Variants in SND1 observed in about 807,000 individuals in gnomAD.
SND1 encodes staphylococcal nuclease domain-containing protein 1.
In SND1, 38 loss-of-function variants were observed where a neutral mutation model predicts 121.7. The ratio of observed to expected loss-of-function variants is 0.31; its 90% CI spans 0.24 to 0.41. The LOEUF is 0.41. Ranked by LOEUF, SND1 falls within the 10% of genes least tolerant of loss-of-function variation. The probability of loss-of-function intolerance (pLI) is 1.00; values close to 1 mark genes in which losing one functional copy is unlikely to be tolerated. For synonymous variants in SND1, 401 were observed against 447.4 expected, an observed-to-expected ratio of 0.90 and a Z score of 1.31; for missense variants, 868 against 1,184.6, an observed-to-expected ratio of 0.73 and a Z score of 3.92.
intron 1 of SND1, among the ~76,000 whole-genome samples, chr7:127,660,911 T>A (rs1198789645): frequency 6.6e-6 from 1 of 152,070 alleles, no homozygotes; most frequent in Non-Finnish European, 1.5e-5. Context: ...TTAGAAGCTC[T>A]GGGACTGGCC....
chr7:127,891,099 C>G (rs923278923), intron 13 of SND1, among the ~76,000 whole-genome samples: 2 of 152,030 alleles, frequency 1.3e-5, no homozygotes, highest in African/African-American at 4.8e-5. Flanking sequence ...GCCATCTTCT[C>G]GATGCTAACC....
chr7:127,761,321 C>A (rs190738404), intron 10 of SND1, among the ~76,000 whole-genome samples: 1 of 152,190 alleles, frequency 6.6e-6, no homozygotes, highest in African/African-American at 2.4e-5. Context: ...CCCCAAGATT[C>A]AAAAGCTGTC....
At chr7:128,043,186 T>A (rs1264927692) in intron 16 of SND1, among the ~76,000 whole-genome samples, 1 of 152,070 alleles carries the variant, frequency 6.6e-6, no homozygotes. Context: ...ATCTCAGAGG[T>A]TACACCAGGT....
intron 16 of SND1, chr7:128,031,719 G>GGGCGGGCGCGGGTCCGGCGGCGGC (rs1407616502): frequency 6.2e-5 from 9 of 145,814 alleles, no homozygotes; most frequent in South Asian, 4.2e-4. Context: ...GAGAGTCCGG[G>GGGCGGGCGCGGGTCCGGCGGCGGC]GGCGGGCGCG....
chr7:127,851,116 A>G (rs139203916), intron 12 of SND1, among the ~76,000 whole-genome samples: 1 of 152,346 alleles, frequency 6.6e-6, no homozygotes, highest in East Asian at 1.9e-4. Context: ...TCTAGATGGA[A>G]GTTCAATTTA....
chr7:128,017,852 C>T (rs934299308), intron 16 of SND1, among the ~76,000 whole-genome samples: 1 of 152,218 alleles, frequency 6.6e-6, no homozygotes, highest in Non-Finnish European at 1.5e-5. Flanking sequence ...TCTAGTTGCT[C>T]CTGACCTTCC....
intron 7 of SND1, 95 bp from the exon 8 acceptor site, chr7:127,704,744 T>C: frequency 9.8e-7 from 1 of 1,019,372 alleles, no homozygotes. Context: ...CAGACTAGTT[T>C]GTGACTGTGT....
rs747436352 is a variant in SND1 at position 127,686,604 on chromosome 7, C to T, written c.79-9C>T. ...GACCATTCATTTTCTCTTTCTTCCC[C>T]CTACGTAGGTCCTCTCAGGGTGCGC... On this transcript the variant is annotated splice_polypyrimidine_tract_variant and intron_variant, in intron 1 of 23. Transcript: ENST00000354725. The T allele has an allele frequency of 1.7e-5, 27 of 1,612,286 alleles. No individual in the cohort carries two copies. Among genetic ancestry groups the T allele is most frequent in the Middle Eastern group, 1.7e-4 (1 of 5,892 alleles).
At chr7:127,970,207 A>G (rs1481173571) in intron 15 of SND1, among the ~76,000 whole-genome samples, 2 of 152,220 alleles carry the variant, frequency 1.3e-5, no homozygotes, top group Non-Finnish European at 2.9e-5. Flanking sequence ...CTAAAAACAG[A>G]ATTCCTTTGG....
rs1173144273 is a variant in SND1 at position 128,085,759 on chromosome 7, C to T, written c.2283C>T (p.Val761=). 1 of 1,614,096 alleles carries T rather than the reference C, an allele frequency of 6.2e-7. No homozygotes were observed. Among genetic ancestry groups the T allele is most frequent in the Non-Finnish European group, 8.5e-7 (1 of 1,179,986 alleles). ...EKVESPAKIH[V]FYIDYGNREV... Reference sequence around the variant, plus strand: ...TCGAGTCTCCTGCCAAAATACATGTCTTCTACATTGACTACGGCAACGTGA... The same window carrying T: ...TCGAGTCTCCTGCCAAAATACATGTTTTCTACATTGACTACGGCAACGTGA... The change falls in exon 20 of 24, where the codon GTC becomes GTT. Residue 761 remains valine, a synonymous_variant. Coordinates refer to ENST00000354725, the MANE Select transcript of SND1 (RefSeq NM_014390.4). This position sits in a 1 kb window ranked among gnomAD's most constrained non-coding sequence, Gnocchi z 4.4.
chr7:127,674,189 C>A (rs1795577742), intron 1 of SND1, among the ~76,000 whole-genome samples: 1 of 152,104 alleles, frequency 6.6e-6, no homozygotes, highest in Admixed American at 6.6e-5. Context: ...TGCATTCCGT[C>A]CAAGAAACAG....
intron 12 of SND1, among the ~76,000 whole-genome samples, chr7:127,877,908 A>T (rs1799720554): frequency 6.6e-6 from 1 of 151,954 alleles, no homozygotes; most frequent in Non-Finnish European, 1.5e-5. Flanking sequence ...TGCTGTAGGG[A>T]TTCAAGGGTG....
At chr7:127,695,973 G>A (rs1205772600) in intron 3 of SND1, among the ~76,000 whole-genome samples, 3 of 152,184 alleles carry the variant, frequency 2.0e-5, no homozygotes, top group African/African-American at 7.2e-5. Context: ...GAGGAATGGA[G>A]TTGGAACAGA....
At chr7:127,933,516 T>C (rs1457622441) in intron 15 of SND1, among the ~76,000 whole-genome samples, 1 of 152,262 alleles carries the variant, frequency 6.6e-6, no homozygotes, top group East Asian at 1.9e-4. Flanking sequence ...ATCATGGCTC[T>C]ACTGTGTATA....
intron 12 of SND1, among the ~76,000 whole-genome samples, chr7:127,882,452 A>T (rs1349928441): frequency 2.8e-5 from 4 of 141,440 alleles, no homozygotes; most frequent in Non-Finnish European, 6.2e-5. Context: ...AGGGGAAGAG[A>T]GGGGAGAGGA....
At chr7:128,027,978 CTG>C (rs1213074331) in intron 16 of SND1, 1 of 152,448 alleles carries the variant, frequency 6.6e-6, no homozygotes, top group South Asian at 2.1e-4. Context: ...CTAAGCAATT[CTG>C]TCAGGCAAGG....
At chr7:127,735,143 T>C (rs955803512) in intron 10 of SND1, among the ~76,000 whole-genome samples, 2 of 152,172 alleles carry the variant, frequency 1.3e-5, no homozygotes, top group Non-Finnish European at 2.9e-5. Context: ...GACAACTTGC[T>C]CAGGGTTCCT....
chr7:127,977,963 G>A (rs992106166), intron 15 of SND1, among the ~76,000 whole-genome samples: 1 of 152,142 alleles, frequency 6.6e-6, no homozygotes, highest in African/African-American at 2.4e-5. Flanking sequence ...GGAAGAAGAT[G>A]AGTTTGGTTT....
intron 14 of SND1, among the ~76,000 whole-genome samples, chr7:127,926,484 G>A (rs752234912): frequency 4.6e-5 from 7 of 150,774 alleles, no homozygotes; most frequent in African/African-American, 9.8e-5. Flanking sequence ...ATTTTTATCT[G>A]GAAATAAACA....
Sources: allele counts gnomAD v4.1 joint callset (sites outside exome capture counted in the v4.1 genomes callset), GRCh38; gene constraint gnomAD v4.1.1; non-coding constraint Gnocchi (gnomAD v3.1); transcripts MANE v1.5; gene names NCBI Gene and HGNC (gene_info 2026-07-23, HGNC 2026-07-21).